Variants in FHIP2A observed in about 807,000 individuals in gnomAD.
FHIP2A encodes the protein family with sequence similarity 160 member B1.
In FHIP2A, 46 loss-of-function variants were observed where a neutral mutation model predicts 93.5. That is an observed-to-expected ratio of 0.49 (90% CI 0.39 to 0.63). The LOEUF (loss-of-function observed/expected upper bound fraction) is 0.63. Ranked by LOEUF, FHIP2A falls within the 20% of genes least tolerant of loss-of-function variation. The pLI is 0.00. For synonymous variants in FHIP2A, 332 were observed against 326.5 expected (o/e 1.02, Z -0.18); for missense variants, 769 against 909.7 (o/e 0.85, Z 1.99).
At chr10:114,855,786 G>A (rs1005338498) in intron 14 of FHIP2A, among the ~76,000 whole-genome samples, 2 of 152,256 alleles carry the variant, frequency 1.3e-5, no homozygotes, top group Non-Finnish European at 1.5e-5. Flanking sequence ...GACAAAGCTT[G>A]TAAACGATAC....
At chr10:114,895,562 G>A (rs181701355) in intron 16 of FHIP2A, among the ~76,000 whole-genome samples, 4 of 152,244 alleles carry the variant, frequency 2.6e-5, no homozygotes, top group Admixed American at 1.3e-4. Flanking sequence ...TGGAGTTTAC[G>A]TAGTGCCTTC....
rs536412993 is a variant in FHIP2A at position 114,862,798 on chromosome 10, G to A, written c.*1258G>A. 5.1e-5 allele frequency: 50 copies of A among 985,366 alleles called. No homozygotes were observed. The highest frequency in any genetic ancestry group is 1.6e-4 in the African/African-American group (9 of 57,340). 61.0% of individuals were successfully genotyped at this position (985,366 alleles called of 1,614,324 possible). On this transcript the variant is annotated 3_prime_UTR_variant, in exon 17 of 17. Transcript: ENST00000369248. ...TTGTTTTTATTTGACATGTTAAGCC[G>A]CAGCACTTTCTTCTTCATCTTTCCA...
intron 16 of FHIP2A, among the ~76,000 whole-genome samples, chr10:114,885,396 A>AG (rs2083937530): frequency 6.7e-6 from 1 of 149,814 alleles, no homozygotes; most frequent in Admixed American, 6.7e-5. Context: ...ACTCCATCTG[A>AG]GAAAAAAAAA....
chr10:114,886,737 G>C (rs984104330), intron 16 of FHIP2A, among the ~76,000 whole-genome samples: 11 of 152,080 alleles, frequency 7.2e-5, no homozygotes, highest in Non-Finnish European at 1.6e-4. Context: ...TAGAGACGGG[G>C]TTTTGCCATG....
intron 1 of FHIP2A, among the ~76,000 whole-genome samples, chr10:114,823,819 A>G (rs2083558009): frequency 6.6e-6 from 1 of 152,054 alleles, no homozygotes; most frequent in South Asian, 2.1e-4. Context: ...AACCTTGAAT[A>G]TATGAAATAC....
chr10:114,895,416 A>G (rs1445378036), intron 16 of FHIP2A, among the ~76,000 whole-genome samples: 1 of 152,236 alleles, frequency 6.6e-6, no homozygotes, highest in African/African-American at 2.4e-5. Flanking sequence ...CCTGGGTGGC[A>G]GTAACTTCCC....
chr10:114,848,792 C>T, intron 13 of FHIP2A, 55 bp downstream of exon 13: 1 of 1,098,762 alleles, frequency 9.1e-7, no homozygotes, highest in East Asian at 2.4e-5. Flanking sequence ...CACATGCACA[C>T]CCCTTGTCAC....
intron 7 of FHIP2A, among the ~76,000 whole-genome samples, chr10:114,844,996 T>C (rs527481777): frequency 2.0e-4 from 27 of 138,300 alleles, no homozygotes; most frequent in African/African-American, 7.2e-4. Context: ...AGAGAGAGAG[T>C]TTCATCATAT....
At chr10:114,841,945 CTT>C (rs2083671283) in intron 5 of FHIP2A, among the ~76,000 whole-genome samples, 1 of 152,152 alleles carries the variant, frequency 6.6e-6, no homozygotes, top group Admixed American at 6.5e-5. Context: ...AGTTAAGAGT[CTT>C]TTTGTGTTTT....
At chr10:114,843,598 T>G in intron 6 of FHIP2A, 143 bp from the exon 7 acceptor site, 5 of 646,596 alleles carry the variant, frequency 7.7e-6, no homozygotes, top group Non-Finnish European at 1.2e-5. Context: ...AGCTCCACAG[T>G]TGGCCAATAA....
At position 114,833,552 on chromosome 10, in the gene FHIP2A, G is replaced by A. The variant is rs78682421; in HGVS notation, c.294+150G>A. The A allele has an allele frequency of 5.8e-3, 4,070 of 707,422 alleles. 128 individuals carry two copies. The African/African-American group carries it at 0.064, about 11-fold the overall frequency. The allele number at this position is 707,422 out of a possible 1,614,324, so 43.8% of individuals were successfully genotyped here. A position where few individuals can be genotyped will look rare whatever the true frequency, so the allele number is the denominator to read the frequency against. On this transcript the variant is annotated intron_variant, in intron 3 of 16. Transcript: ENST00000369248. Reference sequence around the variant, plus strand: ...ATTGTAGAAAAAAGAAAATTGTGTAGCCTATACAAATATGTCCATAGAGAT... The same window carrying A: ...ATTGTAGAAAAAAGAAAATTGTGTAACCTATACAAATATGTCCATAGAGAT...
intron 1 of FHIP2A, among the ~76,000 whole-genome samples, chr10:114,822,638 G>A (rs904773253): frequency 6.6e-6 from 1 of 152,220 alleles, no homozygotes; most frequent in Non-Finnish European, 1.5e-5. Flanking sequence ...GTCTCGCTGT[G>A]GGGCGTCCCT....
chr10:114,883,011 G>A (rs991015649), intron 16 of FHIP2A, among the ~76,000 whole-genome samples: 2 of 152,128 alleles, frequency 1.3e-5, no homozygotes, highest in Non-Finnish European at 2.9e-5. Context: ...GGAGATGGGC[G>A]GAGACTGGCG....
intron 1 of FHIP2A, among the ~76,000 whole-genome samples, chr10:114,827,911 A>T (rs1320237087): frequency 6.6e-6 from 1 of 152,140 alleles, no homozygotes; most frequent in Admixed American, 6.6e-5. Context: ...TTTCATGTCA[A>T]CTTGGGGTTG....
intron 16 of FHIP2A, among the ~76,000 whole-genome samples, chr10:114,898,546 A>T (rs997539059): frequency 6.6e-6 from 1 of 152,082 alleles, no homozygotes; most frequent in Non-Finnish European, 1.5e-5. Flanking sequence ...GACTTGACCT[A>T]CCTTCCAAGT....
rs1409567385 is a variant in FHIP2A at position 114,836,196 on chromosome 10, G to A, written c.472G>A (p.Val158Met). Residue 158 changes from valine to methionine, a missense_variant, in exon 5 of 17, where the codon GTG becomes ATG. Transcript: ENST00000369248. ...TGAAGAGATTCAGTTTCTTTGCATT[G>A]TGTGTGCGAAGCTGAAACAGGACCC... is the stretch of plus-strand genomic sequence containing the variant. ...ENEEIQFLCIVCAKLKQDPYL... is the reference protein window; with the variant it reads ...ENEEIQFLCIMCAKLKQDPYL... The A allele has an allele frequency of 9.4e-6, 15 of 1,603,038 alleles. No individual in the cohort carries two copies. Among genetic ancestry groups the A allele is most frequent in the Non-Finnish European group, 1.3e-5 (15 of 1,172,254 alleles).
In FHIP2A at chr10:114,863,930, T is replaced by C; in HGVS notation, c.*2390T>C. 9.4e-7 allele frequency: 1 copy of C among 1,068,856 alleles called. No individual in the cohort carries two copies. Among genetic ancestry groups the C allele is most frequent in the Non-Finnish European group, 1.1e-6 (1 of 879,272 alleles). The allele number at this position is 1,068,856 out of a possible 1,614,324, so 66.2% of individuals were successfully genotyped here. On this transcript the variant is annotated 3_prime_UTR_variant, in exon 17 of 17. Transcript: ENST00000369248. Reference sequence around the variant, plus strand: ...TTTCTAACAATATAGTCTTTGGATTTGTTTTTAGTTATGAGCCGCATTCTT... The same window carrying C: ...TTTCTAACAATATAGTCTTTGGATTCGTTTTTAGTTATGAGCCGCATTCTT...
In FHIP2A at chr10:114,822,120, G is replaced by A; in HGVS notation, c.42G>A (p.Glu14=). ...CCTCCATCCTGCAGCACGCCGTGGA[G>A]GCGGTAAGGCCGCGGGCTGCGGGCG... The part of the protein sequence containing the change: ...KFTSILQHAV[E]ALAPSLPLQE... Residue 14 remains glutamate (E), a synonymous_variant, in exon 1 of 17, where the codon GAG becomes GAA. Transcript: ENST00000369248. 2 of 1,333,568 alleles carry A rather than the reference G, an allele frequency of 1.5e-6. No individual in the cohort carries two copies. The highest frequency in any genetic ancestry group is 1.9e-5 in the South Asian group (1 of 52,782). The allele number at this position is 1,333,568 out of a possible 1,614,324, so 82.6% of individuals were successfully genotyped here. A position where few individuals can be genotyped will look rare whatever the true frequency, so the allele number is the denominator to read the frequency against.
chr10:114,836,314 G>T, intron 5 of FHIP2A, 68 bp downstream of exon 5: 2 of 1,222,078 alleles, frequency 1.6e-6, no homozygotes, highest in Non-Finnish European at 2.3e-6. Context: ...ATTGAATTAT[G>T]TGAATAATAT....
Sources: allele counts gnomAD v4.1 joint callset (sites outside exome capture counted in the v4.1 genomes callset), GRCh38; gene constraint gnomAD v4.1.1; transcripts MANE v1.5; gene names NCBI Gene and HGNC (gene_info 2026-07-23, HGNC 2026-07-21).